Variants in PPP4R4 observed in about 807,000 individuals in gnomAD.
The protein encoded by PPP4R4 is serine/threonine-protein phosphatase 4 regulatory subunit 4.
Under a neutral mutation model 121.8 loss-of-function variants are expected in PPP4R4, and 70 were observed. The observed-to-expected ratio is 0.57, with a 90% CI of 0.47 to 0.70. The LOEUF is 0.70. PPP4R4 is among the 30% of genes least tolerant of loss of function. The pLI is 0.00. For synonymous variants in PPP4R4, 348 were observed against 355.7 expected, an observed-to-expected ratio of 0.98 and a Z score of 0.24; for missense variants, 875 against 1,033.6, an observed-to-expected ratio of 0.85 and a Z score of 2.10.
chr14:94,200,401 A>G (rs764515882), intron 2 of PPP4R4, among the ~76,000 whole-genome samples: 1 of 152,192 alleles, frequency 6.6e-6, no homozygotes, highest in African/African-American at 2.4e-5. Flanking sequence ...CCTAGTTTCA[A>G]TAGGTTGGTA....
At position 94,234,682 on chromosome 14, in the gene PPP4R4, T is replaced by A. The variant is rs769311514; in HGVS notation, c.731+13T>A. On this transcript the variant is annotated intron_variant, in intron 7 of 24. Coordinates refer to ENST00000304338, the MANE Select transcript of PPP4R4 (RefSeq NM_058237.2). Reference sequence around the variant, plus strand: ...CCCAGGGCATTGGGTAGGTATACTTTGAATTCCTTATGCCATTTCCATGAA... The same window carrying A: ...CCCAGGGCATTGGGTAGGTATACTTAGAATTCCTTATGCCATTTCCATGAA... The A allele has an allele frequency of 6.6e-7, 1 of 1,512,572 alleles. No individual in the cohort carries two copies. The highest frequency in any genetic ancestry group is 9.2e-7 in the Non-Finnish European group (1 of 1,089,544). The allele number at this position is 1,512,572 out of a possible 1,614,324, so 93.7% of individuals were successfully genotyped here.
At chr14:94,258,669 C>T (rs887996943) in intron 17 of PPP4R4, 114 bp from the exon 18 acceptor site, 2 of 707,710 alleles carry the variant, frequency 2.8e-6, no homozygotes, top group Admixed American at 2.7e-5. Flanking sequence ...CTTAGTCTTC[C>T]CCCTAGTGCA....
chr14:94,208,763 C>G (rs1347635852), intron 3 of PPP4R4, among the ~76,000 whole-genome samples, 197 bp downstream of exon 3: 3 of 151,934 alleles, frequency 2.0e-5, no homozygotes, highest in Admixed American at 2.0e-4. Context: ...AAATCCAGAT[C>G]TTAAGTTGTA....
chr14:94,260,523 A>G (rs540263615), intron 19 of PPP4R4, among the ~76,000 whole-genome samples: 1 of 152,274 alleles, frequency 6.6e-6, no homozygotes, highest in Admixed American at 6.5e-5. Flanking sequence ...TACCAGCCAT[A>G]CTATTGGGTA....
intron 2 of PPP4R4, among the ~76,000 whole-genome samples, chr14:94,208,094 T>C (rs1441681199): frequency 1.3e-5 from 2 of 152,112 alleles, no homozygotes; most frequent in South Asian, 4.1e-4. Context: ...AATAAAATGT[T>C]ACCATTTATA....
intron 2 of PPP4R4, among the ~76,000 whole-genome samples, chr14:94,198,713 T>C (rs146089518): frequency 1.3e-5 from 2 of 152,364 alleles, no homozygotes; most frequent in Non-Finnish European, 2.9e-5. Context: ...TGTTTCAGGT[T>C]GAGGAGAGAC....
In PPP4R4 at chr14:94,208,508, C is replaced by G; in HGVS notation, c.236C>G (p.Pro79Arg). The change falls in exon 3 of 25, where the codon CCA becomes CGA. Residue 79 changes from proline to arginine, a missense_variant. By Grantham distance (103) the Pro-to-Arg change is moderately radical. Transcript: ENST00000304338. ...VQGTSVIANLPFLMRQNPTET... is the reference protein window; with the variant it reads ...VQGTSVIANLRFLMRQNPTET... ...GGAACAAGTGTGATTGCAAATCTCC[C>G]ATTTTTGATGCGACAGAATCCCACT... 6.2e-7 allele frequency: 1 copy of G among 1,611,960 alleles called. No individual in the cohort carries two copies. Among genetic ancestry groups the G allele is most frequent in the Non-Finnish European group, 8.5e-7 (1 of 1,178,540 alleles).
chr14:94,203,312 T>A (rs898267053), intron 2 of PPP4R4, among the ~76,000 whole-genome samples: 1 of 152,240 alleles, frequency 6.6e-6, no homozygotes, highest in Non-Finnish European at 1.5e-5. Context: ...CTTTTGGGAT[T>A]GAATTTTTTT....
At chr14:94,235,248 A>G (rs1892270875) in intron 7 of PPP4R4, among the ~76,000 whole-genome samples, 1 of 152,124 alleles carries the variant, frequency 6.6e-6, no homozygotes, top group Non-Finnish European at 1.5e-5. Context: ...TTTTTTCTGA[A>G]TATTTTCTAT....
intron 8 of PPP4R4, among the ~76,000 whole-genome samples, chr14:94,240,219 T>C (rs1892556055): frequency 6.6e-6 from 1 of 152,192 alleles, no homozygotes; most frequent in Non-Finnish European, 1.5e-5. Context: ...GAACATATTA[T>C]AAGCTAATGT....
At chr14:94,190,872 CT>C (rs11414150) in intron 2 of PPP4R4, among the ~76,000 whole-genome samples, 2,633 of 145,574 alleles carry the variant, frequency 0.018, 78 homozygotes, top group African/African-American at 0.061. Context: ...TGATTTCCAA[CT>C]TTTTTTTTTT....
intron 2 of PPP4R4, among the ~76,000 whole-genome samples, chr14:94,197,994 A>C (rs1203141959): frequency 6.6e-6 from 1 of 152,210 alleles, no homozygotes; most frequent in Non-Finnish European, 1.5e-5. Context: ...AAGCTGCTAT[A>C]AATATTTACA....
intron 3 of PPP4R4, among the ~76,000 whole-genome samples, chr14:94,213,828 C>T (rs1890870699): frequency 6.6e-6 from 1 of 152,140 alleles, no homozygotes; most frequent in African/African-American, 2.4e-5. Context: ...AAATTCTGGC[C>T]TCCAGACCTG....
At chr14:94,183,767 G>A (rs1171375454) in intron 2 of PPP4R4, among the ~76,000 whole-genome samples, 2 of 152,038 alleles carry the variant, frequency 1.3e-5, no homozygotes, top group African/African-American at 4.8e-5. Flanking sequence ...TGATGTGAGA[G>A]AATTGAGCAA....
chr14:94,227,011 G>T (rs1329791313), intron 3 of PPP4R4, among the ~76,000 whole-genome samples: 1 of 152,142 alleles, frequency 6.6e-6, no homozygotes, highest in Non-Finnish European at 1.5e-5. Flanking sequence ...TCTCTGCAAG[G>T]AGTGTATTAT....
rs35019245 is a variant in PPP4R4, at chr14:94,256,444, T to C, written c.1866-16T>C. The C allele has an allele frequency of 0.011, 17,385 of 1,554,964 alleles. 419 individuals carry two copies. The highest frequency in any genetic ancestry group is 0.091 in the African/African-American group (6,572 of 72,460). On this transcript the variant is annotated splice_polypyrimidine_tract_variant and intron_variant, in intron 16 of 24. Coordinates refer to ENST00000304338, the MANE Select transcript of PPP4R4 (RefSeq NM_058237.2). ...GTTATTAACTTCACTCAAGAGTAAA[T>C]ACTATTTTATTGTAGAATGAAACTT...
intron 10 of PPP4R4, 58 bp from the exon 11 acceptor site, chr14:94,242,231 G>T: frequency 6.5e-7 from 1 of 1,543,956 alleles, no homozygotes; most frequent in Non-Finnish European, 8.9e-7. Flanking sequence ...ATAATATTAG[G>T]TATTGATGCA....
intron 2 of PPP4R4, among the ~76,000 whole-genome samples, chr14:94,181,575 T>C (rs1032277562): frequency 6.6e-6 from 1 of 152,202 alleles, no homozygotes; most frequent in Non-Finnish European, 1.5e-5. Context: ...AGTTTGAAAT[T>C]CTCCTTCTTT....
At chr14:94,256,693 A>G (rs1324809732) in intron 17 of PPP4R4, 89 bp downstream of exon 17, 1 of 1,216,024 alleles carries the variant, frequency 8.2e-7, no homozygotes, top group African/African-American at 1.5e-5. Context: ...CAGGATAGCA[A>G]TATATTACAA....
Sources: gnomAD v4.1 joint callset for allele counts (sites outside exome capture counted in the v4.1 genomes callset) on GRCh38, gnomAD v4.1.1 for gene constraint, MANE v1.5 for transcripts, NCBI Gene and HGNC (gene_info 2026-07-23, HGNC 2026-07-21) for gene names.